The following KIF1A variants were observed in gnomAD, a reference collection of about 807,000 sequenced individuals.
KIF1A encodes kinesin family member 1A, also known as kinesin-like protein KIF1A.
KIF1A carries 46 observed loss-of-function variants against 227.3 expected under a neutral mutation model. That is an observed-to-expected ratio of 0.20 (90% confidence interval 0.16 to 0.26). The LOEUF (loss-of-function observed/expected upper bound fraction) is 0.26. KIF1A is among the 10% of genes least tolerant of loss of function. The pLI is 1.00. For missense variants in KIF1A, 1,683 were observed against 2,485.9 expected (o/e 0.68, Z 6.87); for synonymous variants, 1,022 against 1,012.8 (o/e 1.01, Z -0.17).
At position 240,788,099 on chromosome 2, in the gene KIF1A, G is replaced by C. The variant is rs763237334; in HGVS notation, c.315C>G (p.Tyr105Ter). The change falls in exon 4 of 49, where the codon TAC (tyrosine) becomes TAG (stop). Residue 105 changes from tyrosine to a stop codon, truncating the protein, a stop_gained. Coordinates refer to ENST00000498729, the MANE Select transcript of KIF1A (RefSeq NM_001244008.2). LOFTEE classifies it high-confidence loss of function. The surrounding 1 kb of genome is among the most constrained non-coding windows in gnomAD (Gnocchi z 6.6). ...AYGQTGAGKS[Y>*]TMMGKQEKDQ... is the part of the protein sequence containing the mutation. Reference sequence around the variant, plus strand: ...CCTTCTCCTGCTTGCCCATCATGGTGTAGGACTTGCCGGCACCCGTCTGCC... The same window carrying C: ...CCTTCTCCTGCTTGCCCATCATGGTCTAGGACTTGCCGGCACCCGTCTGCC... 1 of 1,600,900 alleles carries C rather than the reference G, an allele frequency of 6.2e-7. No individual in the cohort carries two copies. Among genetic ancestry groups the C allele is most frequent in the Non-Finnish European group, 8.5e-7 (1 of 1,173,922 alleles).
intron 1 of KIF1A, 190 bp from the exon 2 acceptor site, chr2:240,798,002 C>G (rs939366946): frequency 2.4e-6 from 1 of 417,640 alleles, no homozygotes; most frequent in African/African-American, 2.0e-5. Flanking sequence ...CCAGCGGGAC[C>G]AGTGGAACCC....
intron 9 of KIF1A, 167 bp downstream of exon 9, chr2:240,782,877 G>A (rs2054255532): frequency 7.3e-6 from 5 of 688,762 alleles, no homozygotes; most frequent in Non-Finnish European, 1.3e-5. Context: ...GAGAAACCAG[G>A]GCCCCTACCC....
chr2:240,716,370 C>G lies in KIF1A; in HGVS notation c.*994G>C, dbSNP rs1485864048. 5 of 152,364 alleles carry G rather than the reference C, an allele frequency of 3.3e-5. No individual in the cohort carries two copies. The highest frequency in any genetic ancestry group is 9.7e-5 in the African/African-American group (4 of 41,434). The allele number at this position is 152,364 out of a possible 1,614,324, so 9.4% of individuals were successfully genotyped here. ...TGCGCCACAGCCCTCGACACCTAGA[C>G]CGTCGCCCTGAATTCCGATCTTCCC... is the stretch of plus-strand genomic sequence containing the variant. On this transcript the variant is annotated 3_prime_UTR_variant, in exon 49 of 49. Coordinates refer to ENST00000498729, the MANE Select transcript of KIF1A (RefSeq NM_001244008.2).
intron 27 of KIF1A, among the ~76,000 whole-genome samples, chr2:240,754,816 AG>A (rs2049641432): frequency 6.6e-6 from 1 of 151,854 alleles, no homozygotes; most frequent in Admixed American, 6.5e-5. Context: ...ACCAAGACAG[AG>A]GGGCCCCAGC....
chr2:240,720,671 C>T, intron 45 of KIF1A: 1 of 360,434 alleles, frequency 2.8e-6, no homozygotes, highest in Non-Finnish European at 5.0e-6. Context: ...TATTTTCCAC[C>T]CATTTCTGGT....
At chr2:240,724,677 C>A in intron 40 of KIF1A, 1 of 159,742 alleles carries the variant, frequency 6.3e-6, no homozygotes, top group Non-Finnish European at 1.4e-5. Context: ...CCCTGACATT[C>A]CGGCTCATTC....
chr2:240,746,018 C>G, intron 30 of KIF1A, 21 bp downstream of exon 30: 1 of 1,606,954 alleles, frequency 6.2e-7, no homozygotes, highest in Non-Finnish European at 8.5e-7. Context: ...ACGCCCTGGG[C>G]AGCTGGGGTG....
At position 240,775,499 on chromosome 2, in the gene KIF1A, C is replaced by T. The variant is rs949182078; in HGVS notation, c.958+352G>A. Among the ~76,000 whole-genome samples, 2 of 152,172 alleles carry T rather than the reference C, an allele frequency of 1.3e-5. No homozygotes were observed. The highest frequency in any genetic ancestry group is 4.8e-5 in the African/African-American group (2 of 41,442). On this transcript the variant is annotated intron_variant, in intron 11 of 48. Coordinates refer to ENST00000498729, the MANE Select transcript of KIF1A (RefSeq NM_001244008.2). This position sits in a 1 kb window ranked among gnomAD's most constrained non-coding sequence, Gnocchi z 5.5. ...TCCAGCAAGCAGAGCTCCCAGATCG[C>T]GTCCCAGGTCCCCGTGACTGATGGG...
chr2:240,818,093 TG>T (rs1198579217), intron 1 of KIF1A, among the ~76,000 whole-genome samples: 1 of 152,114 alleles, frequency 6.6e-6, no homozygotes, highest in Non-Finnish European at 1.5e-5. Context: ...GGAGCAGGGC[TG>T]GCACACAGCA....
intron 19 of KIF1A, 26 bp from the exon 20 acceptor site, chr2:240,765,819 G>A: frequency 1.9e-6 from 3 of 1,580,748 alleles, no homozygotes; most frequent in Non-Finnish European, 1.7e-6. Context: ...GAGGGGCAGA[G>A]AGGAGGACTA....
intron 24 of KIF1A, 50 bp from the exon 25 acceptor site, chr2:240,760,893 C>T (rs370698662): frequency 1.5e-5 from 23 of 1,533,010 alleles, no homozygotes; most frequent in Non-Finnish European, 1.9e-5. Flanking sequence ...GGACAGGGTG[C>T]CAGGTCCCCA....
At position 240,752,611 on chromosome 2, in the gene KIF1A, G is replaced by A. The variant is rs1287424835; in HGVS notation, c.2859-2064C>T. On this transcript the variant is annotated intron_variant, in intron 27 of 48. Transcript: ENST00000498729. The surrounding 1 kb of genome is among the most constrained non-coding windows in gnomAD (Gnocchi z 6.4). ...ACAGCACGGCTCTTCCCCGTGGCTG[G>A]CGCACCACACTGGGGGAGACATAAT... 1.3e-5 allele frequency among the ~76,000 whole-genome samples: 2 copies of A among 152,134 alleles called. No homozygotes were observed. The highest frequency in any genetic ancestry group is 2.9e-5 in the Non-Finnish European group (2 of 68,008).
intron 1 of KIF1A, among the ~76,000 whole-genome samples, chr2:240,802,244 G>A (rs761714532): frequency 6.6e-6 from 1 of 152,130 alleles, no homozygotes; most frequent in Admixed American, 6.5e-5. Flanking sequence ...ATTTATATTC[G>A]ATTGTCAAGG....
chr2:240,782,379 A>G (rs937945696), intron 10 of KIF1A, among the ~76,000 whole-genome samples: 5 of 151,892 alleles, frequency 3.3e-5, no homozygotes, highest in Admixed American at 6.6e-5. Context: ...CCCTGCCGTG[A>G]GGCCGCCCCG....
At position 240,793,647 on chromosome 2, in the gene KIF1A, G is replaced by A. The variant is rs1476036110; in HGVS notation, c.106+4000C>T. On this transcript the variant is annotated intron_variant, in intron 2 of 48. Transcript: ENST00000498729. The surrounding 1 kb of genome is among the most constrained non-coding windows in gnomAD (Gnocchi z 4.8). ...AGGTCGGACCGAAGTGCACCTAATG[G>A]ACAGCTCAGCTGGCTCACAAAACTG... Among the ~76,000 whole-genome samples the A allele has an allele frequency of 6.6e-6, 1 of 152,236 alleles. No homozygotes were observed. Among genetic ancestry groups the A allele is most frequent in the African/African-American group, 2.4e-5 (1 of 41,468 alleles).
intron 1 of KIF1A, among the ~76,000 whole-genome samples, chr2:240,798,207 A>AC (rs2056616679): frequency 6.6e-6 from 1 of 152,238 alleles, no homozygotes; most frequent in African/African-American, 2.4e-5. Flanking sequence ...CCAGATCGAC[A>AC]TGTCAAGGAC....
At position 240,765,704 on chromosome 2, in the gene KIF1A, C is replaced by T. The variant is rs1346821701; in HGVS notation, c.1768+6G>A. ...CCTGACTGGCCCCCGGAGTCCCCAG[C>T]CATACCTGAACGCAGGATGCTGGGC... On this transcript the variant is annotated splice_donor_region_variant and intron_variant, in intron 20 of 48. Transcript: ENST00000498729. 4 of 1,612,086 alleles carry T rather than the reference C, an allele frequency of 2.5e-6. No homozygotes were observed. In the East Asian group the frequency reaches 8.9e-5, roughly 36 times the overall value.
intron 41 of KIF1A, 128 bp downstream of exon 41, chr2:240,723,847 C>T (rs1043660190): frequency 3.4e-6 from 3 of 878,650 alleles, no homozygotes; most frequent in Non-Finnish European, 3.8e-6. Flanking sequence ...ACTCCAGAAG[C>T]CACAAGGTGA....
chr2:240,742,298 C>T (rs908166102), intron 34 of KIF1A, among the ~76,000 whole-genome samples: 4 of 152,130 alleles, frequency 2.6e-5, no homozygotes, highest in African/African-American at 4.8e-5. Flanking sequence ...TGCTGGTGCC[C>T]GGGACCACAC....
Sources: allele counts gnomAD v4.1 joint callset (sites outside exome capture counted in the v4.1 genomes callset), GRCh38; gene constraint gnomAD v4.1.1; non-coding constraint Gnocchi (gnomAD v3.1); transcripts MANE v1.5; gene names NCBI Gene and HGNC (gene_info 2026-07-23, HGNC 2026-07-21).